CAMTA1: variants seen among roughly 807,000 people sequenced by gnomAD.
CAMTA1 encodes the protein calmodulin-binding transcription activator 1.
CAMTA1 carries 27 observed loss-of-function variants against 170.9 expected under a neutral mutation model. The ratio of observed to expected loss-of-function variants is 0.16; its 90% CI spans 0.12 to 0.22. The LOEUF is 0.22. Among genes scored for constraint, CAMTA1 ranks in the 10% least tolerant of loss-of-function variants. CAMTA1 has a pLI of 1.00. For missense variants in CAMTA1, 1,619 were observed against 2,217.2 expected (o/e 0.73, Z 5.42); for synonymous variants, 833 against 891.5 (o/e 0.93, Z 1.17).
At chr1:6,883,560 G>A (rs1373804572) in intron 3 of CAMTA1, among the ~76,000 whole-genome samples, 1 of 152,112 alleles carries the variant, frequency 6.6e-6, no homozygotes, top group Non-Finnish European at 1.5e-5. Context: ...ATCGATGTGA[G>A]GATTGAGGAT....
At chr1:7,172,441 T>A (rs1488526982) in intron 4 of CAMTA1, among the ~76,000 whole-genome samples, 1 of 152,242 alleles carries the variant, frequency 6.6e-6, no homozygotes, top group Non-Finnish European at 1.5e-5. Flanking sequence ...TGAGCCACTG[T>A]GCCTGGTCCC....
At chr1:6,932,437 T>A (rs1684574764) in intron 3 of CAMTA1, among the ~76,000 whole-genome samples, 1 of 152,254 alleles carries the variant, frequency 6.6e-6, no homozygotes, top group African/African-American at 2.4e-5. Context: ...ACATTTGGGT[T>A]ATTTCCACTT....
chr1:7,647,366 G>C (rs1226720473), intron 7 of CAMTA1, among the ~76,000 whole-genome samples: 1 of 152,006 alleles, frequency 6.6e-6, no homozygotes, highest in Admixed American at 6.6e-5. Flanking sequence ...AATCAACAAA[G>C]CCTTCCTTCC....
At chr1:7,332,440 G>T (rs1412046123) in intron 5 of CAMTA1, among the ~76,000 whole-genome samples, 1 of 152,154 alleles carries the variant, frequency 6.6e-6, no homozygotes, top group Admixed American at 6.5e-5. Context: ...AAGTCTGTTT[G>T]CAGGAGCCTT....
rs372132681 is a variant in CAMTA1 at position 6,955,553 on chromosome 1, C to T, written c.234+130343C>T. Among the ~76,000 whole-genome samples, 30 of 152,290 alleles carry T rather than the reference C, an allele frequency of 2.0e-4. No homozygotes were observed. In the South Asian group the frequency reaches 5.8e-3, roughly 29 times the overall value. ...TATAAACTGGGGATAACAAGAAAGC[C>T]TCAAAGCTTAGGATGGCTGTCAGGT... On this transcript the variant is annotated intron_variant, in intron 3 of 22. Transcript: ENST00000303635.
intron 3 of CAMTA1, among the ~76,000 whole-genome samples, chr1:7,055,743 C>A (rs1707224426): frequency 6.6e-6 from 1 of 152,192 alleles, no homozygotes; most frequent in Non-Finnish European, 1.5e-5. Context: ...CGCCAGTGGG[C>A]CCCAGTCCGT....
At position 7,609,299 on chromosome 1, in the gene CAMTA1, T is replaced by C. The variant is rs1349536042; in HGVS notation, c.511-31101T>C. Among the ~76,000 whole-genome samples, 1 of 152,162 alleles carries C rather than the reference T, an allele frequency of 6.6e-6. No individual in the cohort carries two copies. Among genetic ancestry groups the C allele is most frequent in the Non-Finnish European group, 1.5e-5 (1 of 68,016 alleles). The stretch of plus-strand genomic sequence containing the variant: ...GGTGCCCGGCTGCTGGGTCACCCCA[T>C]CGGCTGTTCTGTCATCAGACATCAT... On this transcript the variant is annotated intron_variant, in intron 6 of 22. Transcript: ENST00000303635. The surrounding 1 kb of genome is among the most constrained non-coding windows in gnomAD (Gnocchi z 4.4).
At chr1:7,230,300 G>A (rs1045231274) in intron 4 of CAMTA1, among the ~76,000 whole-genome samples, 9 of 152,172 alleles carry the variant, frequency 5.9e-5, no homozygotes, top group Middle Eastern at 3.2e-3. Context: ...CCGGGGTCTG[G>A]GGAGGAGGGT....
chr1:7,495,306 T>C (rs1027157330), intron 6 of CAMTA1, among the ~76,000 whole-genome samples: 6 of 152,128 alleles, frequency 3.9e-5, no homozygotes, highest in African/African-American at 1.2e-4. Context: ...TCAACGATCA[T>C]GATTAGAGTT....
intron 3 of CAMTA1, among the ~76,000 whole-genome samples, chr1:7,075,838 T>G (rs1405019406): frequency 1.3e-5 from 2 of 151,542 alleles, no homozygotes; most frequent in Non-Finnish European, 2.9e-5. Context: ...AATTTTTGTA[T>G]TTTTAGTAGA....
At chr1:7,655,294 A>C (rs1374477788) in intron 7 of CAMTA1, among the ~76,000 whole-genome samples, 2 of 138,280 alleles carry the variant, frequency 1.4e-5, no homozygotes, top group Non-Finnish European at 1.6e-5. Context: ...ACACACACAC[A>C]CCTATACACA....
intron 5 of CAMTA1, among the ~76,000 whole-genome samples, chr1:7,298,506 C>G (rs918381738): frequency 6.6e-6 from 1 of 152,168 alleles, no homozygotes; most frequent in Non-Finnish European, 1.5e-5. Context: ...GCCCTCTCTT[C>G]TGGGACTGTC....
intron 4 of CAMTA1, among the ~76,000 whole-genome samples, chr1:7,178,053 C>T (rs1485755299): frequency 1.3e-5 from 2 of 151,988 alleles, no homozygotes; most frequent in Non-Finnish European, 2.9e-5. Flanking sequence ...ATCAAAGTCC[C>T]GCTCACATGC....
chr1:6,787,666 A>G (rs1639804804), intron 1 of CAMTA1, among the ~76,000 whole-genome samples: 1 of 152,228 alleles, frequency 6.6e-6, no homozygotes, highest in African/African-American at 2.4e-5. Context: ...TCACGGATAA[A>G]TGGCCAATTC....
chr1:7,158,447 G>A (rs896927502), intron 4 of CAMTA1, among the ~76,000 whole-genome samples: 3 of 152,106 alleles, frequency 2.0e-5, no homozygotes, highest in African/African-American at 7.2e-5. Context: ...ACAGTGAGGC[G>A]CATTTGTCAG....
intron 5 of CAMTA1, among the ~76,000 whole-genome samples, chr1:7,280,960 A>C (rs1671421131): frequency 6.6e-6 from 1 of 152,368 alleles, no homozygotes; most frequent in South Asian, 2.1e-4. Context: ...TTTCATAAAC[A>C]AGAATCCAAA....
At chr1:7,678,580 C>G (rs2096148749) in intron 11 of CAMTA1, among the ~76,000 whole-genome samples, 1 of 152,192 alleles carries the variant, frequency 6.6e-6, no homozygotes, top group African/African-American at 2.4e-5. Flanking sequence ...CCATTTCCCA[C>G]CTGGGCACAC....
intron 4 of CAMTA1, among the ~76,000 whole-genome samples, chr1:7,193,888 C>T (rs965686519): frequency 3.9e-5 from 6 of 152,170 alleles, no homozygotes; most frequent in Non-Finnish European, 8.8e-5. Flanking sequence ...ATCAGATTTC[C>T]ATTAATGTCT....
chr1:6,952,718 C>T (rs1688719469), intron 3 of CAMTA1, among the ~76,000 whole-genome samples: 1 of 152,182 alleles, frequency 6.6e-6, no homozygotes, highest in Non-Finnish European at 1.5e-5. Flanking sequence ...TCTGTAATCC[C>T]AGCTACTAGG....
Sources: gnomAD v4.1 joint callset for allele counts (sites outside exome capture counted in the v4.1 genomes callset) on GRCh38, gnomAD v4.1.1 for gene constraint, Gnocchi (gnomAD v3.1) non-coding constraint, MANE v1.5 for transcripts, NCBI Gene and HGNC (gene_info 2026-07-23, HGNC 2026-07-21) for gene names.